Variants in UNC5A observed in about 807,000 individuals in gnomAD.
The protein encoded by UNC5A is unc-5 netrin receptor A.
Under a neutral mutation model 87.4 loss-of-function variants are expected in UNC5A, and 20 were observed. That is an observed-to-expected ratio of 0.23 (90% CI 0.16 to 0.33). The LOEUF is 0.33. UNC5A is among the 10% of genes least tolerant of loss of function. UNC5A has a pLI of 1.00. For missense variants in UNC5A, 844 were observed against 1,133.4 expected (o/e 0.74, Z 3.67); for synonymous variants, 438 against 482.3 (o/e 0.91, Z 1.20).
At chr5:176,815,221 T>C (rs1756559550) in intron 1 of UNC5A, among the ~76,000 whole-genome samples, 1 of 152,224 alleles carries the variant, frequency 6.6e-6, no homozygotes, top group East Asian at 1.9e-4. Flanking sequence ...GCACAGCTCC[T>C]ACGTGGGGTG....
At chr5:176,827,435 G>A (rs560223014) in intron 1 of UNC5A, among the ~76,000 whole-genome samples, 1 of 152,004 alleles carries the variant, frequency 6.6e-6, no homozygotes, top group East Asian at 1.9e-4. Context: ...CACCCACCTC[G>A]GCCTCCCAAA....
intron 1 of UNC5A, among the ~76,000 whole-genome samples, chr5:176,815,894 A>G (rs691799): frequency 0.76 from 115,209 of 152,172 alleles, 48,878 homozygotes; most frequent in Non-Finnish European, 0.93. Flanking sequence ...ACAAGGGGCA[A>G]TTGTTTGGAG....
chr5:176,827,773 C>T (rs911689832), intron 1 of UNC5A, among the ~76,000 whole-genome samples: 2 of 152,198 alleles, frequency 1.3e-5, no homozygotes, highest in South Asian at 4.1e-4. Context: ...CTAGCAATAA[C>T]GAGGGTTCCA....
chr5:176,858,782 A>AG lies in UNC5A; in HGVS notation c.71-3841dup, dbSNP rs1561659079. ...AGGAAGGAAGGAAGGAAGGCAAGCAAGCAGGCAGGGAGGGAGGGAGGGAAG... is the reference window on the plus strand; with the variant it reads ...AGGAAGGAAGGAAGGAAGGCAAGCAAGGCAGGCAGGGAGGGAGGGAGGGAAG... On this transcript the variant is annotated intron_variant, in intron 1 of 14. Coordinates refer to ENST00000329542, the MANE Select transcript of UNC5A (RefSeq NM_133369.3). Among the ~76,000 whole-genome samples, 203 of 131,562 alleles carry AG rather than the reference A, an allele frequency of 1.5e-3. 1 individual carries two copies. Among genetic ancestry groups the AG allele is most frequent in the African/African-American group, 4.3e-3 (146 of 33,780 alleles). The allele number at this position is 131,562 out of a possible 152,430, so 86.3% of individuals were successfully genotyped here. A position where few individuals can be genotyped will look rare whatever the true frequency, so the allele number is the denominator to read the frequency against.
At position 176,868,272 on chromosome 5, in the gene UNC5A, C is replaced by T. The variant is rs985827475; in HGVS notation, c.435C>T (p.Ala145=). The change falls in exon 3 of 15, where the codon GCC becomes GCT. Residue 145 remains alanine (A), a splice_region_variant and synonymous_variant. Coordinates refer to ENST00000329542, the MANE Select transcript of UNC5A (RefSeq NM_133369.3). ...TKSQKAYIRI[A]YLRKNFEQEP... ...GTCAGAAGGCCTACATCCGCATAGC[C>T]TGTGAGTCTAGGGCTGGGCCCTGGG... 5.6e-6 allele frequency: 9 copies of T among 1,613,226 alleles called. No homozygotes were observed. In the African/African-American group the frequency reaches 8.0e-5, roughly 14 times the overall value.
intron 1 of UNC5A, among the ~76,000 whole-genome samples, chr5:176,830,799 TGTGTGTGTGC>T (rs757153284): frequency 1.4e-5 from 2 of 142,726 alleles, no homozygotes; most frequent in Non-Finnish European, 3.0e-5. Context: ...TGTGCTGGCA[TGTGTGTGTGC>T]GTGTGTGTGC....
Position 176,862,744 on chromosome 5 carries a change from T to C in UNC5A, c.191T>C (p.Val64Ala). Residue 64 changes from valine to alanine, a missense_variant, in exon 2 of 15, where the codon GTG becomes GCG. By Grantham distance (64) the Val-to-Ala change is moderately conservative. Transcript: ENST00000329542. Reference protein sequence around the residue: ...YIVKNKPVLLVCKAVPATQIF... With the variant: ...YIVKNKPVLLACKAVPATQIF... Reference sequence around the variant, plus strand: ...GTCAAGAACAAGCCAGTGCTGCTTGTGTGCAAGGCCGTGCCCGCCACGCAG... The same window carrying C: ...GTCAAGAACAAGCCAGTGCTGCTTGCGTGCAAGGCCGTGCCCGCCACGCAG... 1 of 1,613,594 alleles carries C rather than the reference T, an allele frequency of 6.2e-7. No individual in the cohort carries two copies. Among genetic ancestry groups the C allele is most frequent in the Non-Finnish European group, 8.5e-7 (1 of 1,179,970 alleles).
At chr5:176,833,072 A>G (rs112861265) in intron 1 of UNC5A, among the ~76,000 whole-genome samples, 1 of 152,296 alleles carries the variant, frequency 6.6e-6, no homozygotes, top group African/African-American at 2.4e-5. Context: ...GTAGCTGGCC[A>G]AGGTCAGGAA....
Position 176,844,845 on chromosome 5 carries a change from C to T in UNC5A, c.71-17779C>T, listed in dbSNP as rs1344598942. Among the ~76,000 whole-genome samples the T allele has an allele frequency of 6.6e-6, 1 of 152,118 alleles. No individual in the cohort carries two copies. Among genetic ancestry groups the T allele is most frequent in the Non-Finnish European group, 1.5e-5 (1 of 68,014 alleles). On this transcript the variant is annotated intron_variant, in intron 1 of 14. Transcript: ENST00000329542. The surrounding 1 kb of genome is among the most constrained non-coding windows in gnomAD (Gnocchi z 4.2). The stretch of plus-strand genomic sequence containing the variant: ...GCAGTGGATCGTGGAAGTCGGTCCT[C>T]GGTGCCAGCCACAGACTCCCTGCCC...
At chr5:176,823,190 G>C (rs553104834) in intron 1 of UNC5A, among the ~76,000 whole-genome samples, 25 of 150,108 alleles carry the variant, frequency 1.7e-4, no homozygotes, top group African/African-American at 5.7e-4. Flanking sequence ...GGGCGAGGGA[G>C]GGGGAGGAGG....
rs548781858 is a variant in UNC5A, at chr5:176,863,660, T to TC, written c.292+820dup. Among the ~76,000 whole-genome samples, 390 of 148,468 alleles carry TC rather than the reference T, an allele frequency of 2.6e-3. 2 individuals carry two copies. The highest frequency in any genetic ancestry group is 9.1e-3 in the African/African-American group (366 of 40,086). On this transcript the variant is annotated intron_variant, in intron 2 of 14. Transcript: ENST00000329542. ...ACAGCCCTTGTCTGGGTTCCGCAAC[T>TC]CCCCCAGAAAGGACTGGCAGAGAGA...
rs545046430 is a variant in UNC5A at position 176,868,973 on chromosome 5, C to A, written c.721+9C>A. On this transcript the variant is annotated intron_variant, in intron 5 of 14. Coordinates refer to ENST00000329542, the MANE Select transcript of UNC5A (RefSeq NM_133369.3). Reference sequence around the variant, plus strand: ...TGCTGTCATCGTCTACGGTGGGCCCCGGGACTCCCTGGTCACAGGGAGAGG... The same window carrying A: ...TGCTGTCATCGTCTACGGTGGGCCCAGGGACTCCCTGGTCACAGGGAGAGG... 1 of 1,589,978 alleles carries A rather than the reference C, an allele frequency of 6.3e-7. No homozygotes were observed. Among genetic ancestry groups the A allele is most frequent in the Non-Finnish European group, 8.6e-7 (1 of 1,166,080 alleles).
At position 176,868,113 on chromosome 5, in the gene UNC5A, G is replaced by C; in HGVS notation, c.293-17G>C. 1 of 1,608,026 alleles carries C rather than the reference G, an allele frequency of 6.2e-7. No homozygotes were observed. ...GGTGGCCCTGGGGCTCTGACTACCT[G>C]CCCCTCCCGCCCCCAGGGCTGCCCA... On this transcript the variant is annotated splice_polypyrimidine_tract_variant and intron_variant, in intron 2 of 14. Transcript: ENST00000329542.
At chr5:176,831,000 G>C (rs1038394404) in intron 1 of UNC5A, among the ~76,000 whole-genome samples, 3 of 151,860 alleles carry the variant, frequency 2.0e-5, no homozygotes, top group African/African-American at 7.3e-5. Flanking sequence ...GATGGGAGGT[G>C]ATCAGGCCTT....
rs1437741374 is a variant in UNC5A at position 176,841,073 on chromosome 5, T to C, written c.71-21551T>C. Among the ~76,000 whole-genome samples the C allele has an allele frequency of 1.3e-5, 2 of 152,350 alleles. No individual in the cohort carries two copies. The highest frequency in any genetic ancestry group is 2.9e-5 in the Non-Finnish European group (2 of 68,042). On this transcript the variant is annotated intron_variant, in intron 1 of 14. Coordinates refer to ENST00000329542, the MANE Select transcript of UNC5A (RefSeq NM_133369.3). This position sits in a 1 kb window ranked among gnomAD's most constrained non-coding sequence, Gnocchi z 4.1. The stretch of plus-strand genomic sequence containing the variant: ...GGAGGCAGCGTGACTTGGTCATGCA[T>C]TGAAAGCTGTGGCAGGCAACGGGAG...
chr5:176,842,497 A>G (rs1757301375), intron 1 of UNC5A, among the ~76,000 whole-genome samples: 2 of 151,484 alleles, frequency 1.3e-5, no homozygotes, highest in Admixed American at 6.6e-5. Context: ...ACTGTGATAT[A>G]TATATATATA....
chr5:176,860,848 G>T (rs995870486), intron 1 of UNC5A, among the ~76,000 whole-genome samples: 1 of 152,222 alleles, frequency 6.6e-6, no homozygotes, highest in Non-Finnish European at 1.5e-5. Flanking sequence ...GTTGCCAGTG[G>T]GAGGGCACAC....
intron 1 of UNC5A, among the ~76,000 whole-genome samples, chr5:176,835,448 A>G (rs1757130576): frequency 1.3e-5 from 2 of 152,180 alleles, no homozygotes; most frequent in South Asian, 4.1e-4. Context: ...CATCCTGTCC[A>G]AATTTCAGGA....
rs11743121 is a variant in UNC5A at position 176,866,099 on chromosome 5, C to T, written c.293-2031C>T. 6.6e-6 allele frequency among the ~76,000 whole-genome samples: 1 copy of T among 152,196 alleles called. No homozygotes were observed. The highest frequency in any genetic ancestry group is 1.5e-5 in the Non-Finnish European group (1 of 68,026). Reference sequence around the variant, plus strand: ...GGCAGCCCAGGTTCACACACACACCCGCCCAGGCCCACTGGCCCGGGGTCC... The same window carrying T: ...GGCAGCCCAGGTTCACACACACACCTGCCCAGGCCCACTGGCCCGGGGTCC... On this transcript the variant is annotated intron_variant, in intron 2 of 14. Coordinates refer to ENST00000329542, the MANE Select transcript of UNC5A (RefSeq NM_133369.3). This position sits in a 1 kb window ranked among gnomAD's most constrained non-coding sequence, Gnocchi z 5.0.
Sources: allele counts gnomAD v4.1 joint callset (sites outside exome capture counted in the v4.1 genomes callset), GRCh38; gene constraint gnomAD v4.1.1; non-coding constraint Gnocchi (gnomAD v3.1); transcripts MANE v1.5; gene names NCBI Gene and HGNC (gene_info 2026-07-23, HGNC 2026-07-21).